CLVS1: variants seen among roughly 807,000 people sequenced by gnomAD.
CLVS1 encodes clavesin-1.
A neutral mutation model predicts 33.1 loss-of-function variants in CLVS1; 10 were observed. The observed-to-expected ratio is 0.30, with a 90% CI of 0.19 to 0.51. The LOEUF (loss-of-function observed/expected upper bound fraction) is 0.51. Among genes scored for constraint, CLVS1 ranks in the 20% least tolerant of loss-of-function variants. The pLI, the probability that CLVS1 is intolerant of heterozygous loss-of-function variation, is 0.97. For missense variants in CLVS1, 343 were observed against 433.4 expected (o/e 0.79, Z 1.85); for synonymous variants, 163 against 166.1 (o/e 0.98, Z 0.14).
chr8:61,361,662 T>A (rs1252466186), intron 2 of CLVS1, among the ~76,000 whole-genome samples: 1 of 152,222 alleles, frequency 6.6e-6, no homozygotes, highest in Non-Finnish European at 1.5e-5. Context: ...TGCATTCACC[T>A]TATTAGGAGT....
the CLVS1 span, among the ~76,000 whole-genome samples, chr8:61,038,513 T>C: frequency 6.6e-6 from 1 of 151,376 alleles, no homozygotes; most frequent in Non-Finnish European, 1.5e-5. Flanking sequence ...GTCCCAAATA[T>C]GTATTTATTT....
At chr8:61,364,018 G>A (rs995487330) in intron 2 of CLVS1, among the ~76,000 whole-genome samples, 3 of 152,188 alleles carry the variant, frequency 2.0e-5, no homozygotes, top group Non-Finnish European at 4.4e-5. Context: ...GGCTCCAAAT[G>A]ACTTTGGAAA....
At chr8:61,041,985 G>GA in the CLVS1 span, among the ~76,000 whole-genome samples, 2 of 151,894 alleles carry the variant, frequency 1.3e-5, no homozygotes, top group African/African-American at 2.4e-5. Flanking sequence ...AATTATACGA[G>GA]AAAAAAAATT....
intron 2 of CLVS1, among the ~76,000 whole-genome samples, chr8:61,162,493 A>C (rs528564409): frequency 6.6e-6 from 1 of 152,336 alleles, no homozygotes; most frequent in South Asian, 2.1e-4. Context: ...AATGGGAAGA[A>C]TTTCTTACCA....
the CLVS1 span, among the ~76,000 whole-genome samples, chr8:60,972,322 A>T: frequency 1.3e-5 from 2 of 152,220 alleles, no homozygotes; most frequent in African/African-American, 4.8e-5. Flanking sequence ...ACCCATGGTC[A>T]TTCCTGGGCA....
chr8:61,387,434 T>C (rs1193409183), intron 3 of CLVS1, among the ~76,000 whole-genome samples: 1 of 147,332 alleles, frequency 6.8e-6, no homozygotes, highest in Non-Finnish European at 1.5e-5. Context: ...TAGCCCTTTA[T>C]AGCCCAAAGA....
chr8:61,371,915 G>GA (rs1188591456), intron 2 of CLVS1, among the ~76,000 whole-genome samples: 4 of 151,988 alleles, frequency 2.6e-5, no homozygotes, highest in Non-Finnish European at 5.9e-5. Flanking sequence ...TCCTTTATGG[G>GA]GAAAAAATTT....
chr8:61,398,381 C>T (rs970454982), intron 3 of CLVS1, among the ~76,000 whole-genome samples: 3 of 151,912 alleles, frequency 2.0e-5, no homozygotes, highest in South Asian at 2.1e-4. Context: ...CGGGTTTCAC[C>T]ACATTGCTCA....
chr8:61,443,060 T>G (rs1816625807), intron 3 of CLVS1, among the ~76,000 whole-genome samples: 1 of 152,250 alleles, frequency 6.6e-6, no homozygotes, highest in African/African-American at 2.4e-5. Context: ...TGGCATGTTT[T>G]TGCTCATATT....
chr8:61,388,068 A>G (rs923379148), intron 3 of CLVS1, among the ~76,000 whole-genome samples: 1 of 152,082 alleles, frequency 6.6e-6, no homozygotes, highest in Non-Finnish European at 1.5e-5. Flanking sequence ...AGTAAGGTAC[A>G]TTGAGAGAAC....
At chr8:61,143,694 A>T (rs1806356161) in intron 2 of CLVS1, among the ~76,000 whole-genome samples, 1 of 150,626 alleles carries the variant, frequency 6.6e-6, no homozygotes, top group Admixed American at 6.6e-5. Flanking sequence ...TTTATTTTAC[A>T]ATAAATTACT....
At chr8:61,476,437 T>A (rs1817935181) in intron 5 of CLVS1, among the ~76,000 whole-genome samples, 1 of 152,232 alleles carries the variant, frequency 6.6e-6, no homozygotes, top group Admixed American at 6.5e-5. Flanking sequence ...GAGCATGGAA[T>A]GTTCTTCCAT....
intron 2 of CLVS1, among the ~76,000 whole-genome samples, chr8:61,152,470 C>T (rs1423603258): frequency 2.6e-5 from 4 of 152,246 alleles, no homozygotes; most frequent in South Asian, 2.1e-4. Context: ...ATCAAGGCTC[C>T]GGTGGGTTCG....
chr8:61,059,506 A>C (rs1804545307), intron 1 of CLVS1, among the ~76,000 whole-genome samples: 1 of 141,594 alleles, frequency 7.1e-6, no homozygotes, highest in Non-Finnish European at 1.5e-5. Flanking sequence ...ATATACACAT[A>C]TCTTGAAAAT....
chr8:61,241,225 A>G (rs1013985718), intron 2 of CLVS1, among the ~76,000 whole-genome samples: 3 of 152,194 alleles, frequency 2.0e-5, no homozygotes, highest in Non-Finnish European at 4.4e-5. Flanking sequence ...GACATCTTCA[A>G]TTCATAGTTT....
At chr8:61,313,534 C>T in intron 2 of CLVS1, among the ~76,000 whole-genome samples, 1 of 152,150 alleles carries the variant, frequency 6.6e-6, no homozygotes, top group East Asian at 1.9e-4. Context: ...CAGGAGGGAT[C>T]AATGCTGCCT....
At chr8:61,490,169 C>T (rs1301289750) in intron 5 of CLVS1, among the ~76,000 whole-genome samples, 1 of 150,486 alleles carries the variant, frequency 6.6e-6, no homozygotes, top group Non-Finnish European at 1.5e-5. Flanking sequence ...TAAAAAATTA[C>T]CTGGATGTGG....
chr8:61,123,893 C>T (rs968683103), intron 1 of CLVS1, among the ~76,000 whole-genome samples: 4 of 152,216 alleles, frequency 2.6e-5, no homozygotes, highest in East Asian at 3.9e-4. Flanking sequence ...TGGAGCATGG[C>T]GAGGAGGATG....
the CLVS1 span, among the ~76,000 whole-genome samples, chr8:61,033,163 A>AAAGAAAG: frequency 2.5e-5 from 3 of 120,618 alleles, no homozygotes; most frequent in East Asian, 2.5e-4. Context: ...AAGAAAGAAA[A>AAAGAAAG]AGAAAGAAAG....
Sources: gnomAD v4.1 joint callset for allele counts (sites outside exome capture counted in the v4.1 genomes callset) on GRCh38, gnomAD v4.1.1 for gene constraint, MANE v1.5 for transcripts, NCBI Gene and HGNC (gene_info 2026-07-23, HGNC 2026-07-21) for gene names.